APOD: variants seen among roughly 807,000 people sequenced by gnomAD.
APOD encodes apolipoprotein D, also known as apo-D.
In APOD, 22 loss-of-function variants were observed where a neutral mutation model predicts 20.4. That is an observed-to-expected ratio of 1.08 (90% CI 0.77 to 1.54). The LOEUF (loss-of-function observed/expected upper bound fraction) is 1.54, where lower values mean the gene tolerates loss of function less well. APOD is among the 40% of genes most tolerant of loss of function. The pLI, the probability that APOD is intolerant of heterozygous loss-of-function variation, is 0.00. For synonymous variants in APOD, 97 were observed against 92.4 expected (o/e 1.05, Z -0.29); for missense variants, 223 against 229.6 (o/e 0.97, Z 0.19).
intron 3 of APOD, among the ~76,000 whole-genome samples, chr3:195,571,798 G>C (rs1720164620): frequency 6.7e-6 from 1 of 149,560 alleles, no homozygotes; most frequent in Admixed American, 6.6e-5. Context: ...TTTTTTTTTG[G>C]AGATGGAGTC....
chr3:195,573,386 G>A (rs1417399052), intron 3 of APOD, among the ~76,000 whole-genome samples: 1 of 152,192 alleles, frequency 6.6e-6, no homozygotes, highest in Non-Finnish European at 1.5e-5. Context: ...CCTAGAGTGT[G>A]AATGTTGTGT....
chr3:195,577,258 G>C (rs932805172), intron 2 of APOD: 2 of 279,354 alleles, frequency 7.2e-6, no homozygotes, highest in Non-Finnish European at 1.4e-5. Context: ...TAAAATATTT[G>C]GGAATAAATT....
At chr3:195,583,001 T>C (rs1720367540) in intron 1 of APOD, 2 of 151,852 alleles carry the variant, frequency 1.3e-5, no homozygotes, top group African/African-American at 4.8e-5. Context: ...CCAACTAAGG[T>C]GACAGTGCAT....
intron 1 of APOD, among the ~76,000 whole-genome samples, chr3:195,580,962 AC>A (rs1460157033): frequency 6.6e-6 from 1 of 152,208 alleles, no homozygotes; most frequent in Non-Finnish European, 1.5e-5. Flanking sequence ...TAGCTTGCAC[AC>A]GAGCTATTTC....
At chr3:195,572,295 G>A (rs1009263332) in intron 3 of APOD, among the ~76,000 whole-genome samples, 2 of 152,202 alleles carry the variant, frequency 1.3e-5, no homozygotes, top group African/African-American at 4.8e-5. Flanking sequence ...TTTCAATGTA[G>A]GCCAAGTAAA....
intron 3 of APOD, 141 bp downstream of exon 3, chr3:195,573,709 C>T (rs760488349): frequency 5.7e-5 from 64 of 1,127,064 alleles, no homozygotes; most frequent in Non-Finnish European, 7.6e-5. Context: ...GCCTGCCAAA[C>T]GCTTTCCTCT....
At position 195,569,055 on chromosome 3, in the gene APOD, G is replaced by C. The variant is rs1177520605; in HGVS notation, c.415C>G (p.Gln139Glu). ...ALVYSCTCII[Q>E]LFHVDFAWIL... ...CAAGCAAAATCCACGTGAAAAAGTT[G>C]GATGATGCAGGTACAGGAATACACG... The change falls in exon 5 of 5, where the codon CAA becomes GAA. Residue 139 changes from glutamine to glutamate, a missense_variant. Physicochemically the swap from Gln to Glu is conservative, Grantham distance 29. Transcript: ENST00000343267. 1.9e-6 allele frequency: 3 copies of C among 1,614,162 alleles called. No individual in the cohort carries two copies. The highest frequency in any genetic ancestry group is 1.3e-5 in the African/African-American group (1 of 75,030).
intron 3 of APOD, among the ~76,000 whole-genome samples, chr3:195,571,729 A>C (rs576615123): frequency 1.3e-5 from 2 of 152,270 alleles, no homozygotes; most frequent in African/African-American, 4.8e-5. Flanking sequence ...AAAGAAAGGG[A>C]GAAAAGAGAA....
intron 2 of APOD, among the ~76,000 whole-genome samples, chr3:195,578,263 C>T (rs1050127563): frequency 7.2e-5 from 11 of 152,058 alleles, no homozygotes; most frequent in Non-Finnish European, 1.6e-4. Context: ...AGGGATCAGC[C>T]TGTAAGTGGA....
At chr3:195,569,194 A>T in intron 4 of APOD, 59 bp from the exon 5 acceptor site, 1 of 1,480,322 alleles carries the variant, frequency 6.8e-7, no homozygotes. Flanking sequence ...ATCTCAGGAC[A>T]ACACAAGAAG....
intron 2 of APOD, 37 bp downstream of exon 2, chr3:195,579,302 C>A (rs1720294774): frequency 1.2e-6 from 2 of 1,612,544 alleles, no homozygotes; most frequent in South Asian, 1.1e-5. Context: ...TTATTCACAG[C>A]GGAGGCAGCA....
At position 195,574,008 on chromosome 3, in the gene APOD, C is replaced by A. The variant is rs774111234; in HGVS notation, c.124-37G>T. 3 of 1,606,644 alleles carry A rather than the reference C, an allele frequency of 1.9e-6. No individual in the cohort carries two copies. In the South Asian group the frequency reaches 3.3e-5, roughly 18 times the overall value. On this transcript the variant is annotated intron_variant, in intron 2 of 4. Coordinates refer to ENST00000343267, the MANE Select transcript of APOD (RefSeq NM_001647.4). Reference sequence around the variant, plus strand: ...ACAAGCAGAGCAAAACCCTGTGGTTCTCTGGGGACCTGCAACTTCTTCCCC... The same window carrying A: ...ACAAGCAGAGCAAAACCCTGTGGTTATCTGGGGACCTGCAACTTCTTCCCC...
In APOD at chr3:195,568,929, C is replaced by T. The variant is rs917297907; in HGVS notation, c.541G>A (p.Asp181Asn). ...GAGAGCTTGGGGCAGTTCACCTGGT[C>T]TGTGACCGTCATTTTCTTGACATCA... ...NIDVKKMTVT[D>N]QVNCPKLS The change falls in exon 5 of 5, where the codon GAC becomes AAC. Residue 181 changes from aspartate to asparagine, a missense_variant. Transcript: ENST00000343267. The T allele has an allele frequency of 2.5e-6, 4 of 1,614,028 alleles. No homozygotes were observed. Among genetic ancestry groups the T allele is most frequent in the East Asian group, 2.2e-5 (1 of 44,878 alleles).
intron 4 of APOD, among the ~76,000 whole-genome samples, chr3:195,569,786 G>GT (rs543541862): frequency 0.018 from 989 of 54,024 alleles, 347 homozygotes; most frequent in Non-Finnish European, 0.028. Context: ...CTTCTTCTTC[G>GT]TTTTTTTTTT....
intron 4 of APOD, 101 bp downstream of exon 4, chr3:195,571,176 G>T: frequency 1.0e-6 from 1 of 958,714 alleles, no homozygotes; most frequent in Non-Finnish European, 1.7e-6. Context: ...AGTGATTATA[G>T]ATGACACTCA....
chr3:195,574,015 G>A (rs1460859325), intron 2 of APOD, 44 bp from the exon 3 acceptor site: 3 of 1,605,268 alleles, frequency 1.9e-6, no homozygotes, highest in Admixed American at 1.7e-5. Context: ...GTTCTCTGGG[G>A]ACCTGCAACT....
At chr3:195,574,584 T>C (rs1217249215) in intron 2 of APOD, among the ~76,000 whole-genome samples, 1 of 152,190 alleles carries the variant, frequency 6.6e-6, no homozygotes, top group African/African-American at 2.4e-5. Flanking sequence ...CCATACCAGT[T>C]TACAACCTCT....
chr3:195,577,784 C>T (rs954734933), intron 2 of APOD, among the ~76,000 whole-genome samples: 5 of 152,164 alleles, frequency 3.3e-5, no homozygotes, highest in Non-Finnish European at 5.9e-5. Context: ...ACCTTGAAAA[C>T]GTTCAGTAAA....
intron 2 of APOD, among the ~76,000 whole-genome samples, chr3:195,575,182 G>C (rs768435266): frequency 6.6e-6 from 1 of 152,166 alleles, no homozygotes; most frequent in Non-Finnish European, 1.5e-5. Flanking sequence ...CCAGCAAAAG[G>C]AAGTCAGATC....
Sources: gnomAD v4.1 joint callset for allele counts (sites outside exome capture counted in the v4.1 genomes callset) on GRCh38, gnomAD v4.1.1 for gene constraint, MANE v1.5 for transcripts, NCBI Gene and HGNC (gene_info 2026-07-23, HGNC 2026-07-21) for gene names.